The following CRTAC1 variants were observed in gnomAD, a reference collection of about 807,000 sequenced individuals.
The protein encoded by CRTAC1 is acidic secreted protein in cartilage.
CRTAC1 carries 37 observed loss-of-function variants against 67.8 expected under a neutral mutation model. The ratio of observed to expected loss-of-function variants is 0.55; its 90% confidence interval spans 0.42 to 0.72. The LOEUF (loss-of-function observed/expected upper bound fraction) is 0.72, where lower values mean the gene tolerates loss of function less well. Ranked by LOEUF, CRTAC1 falls within the 30% of genes least tolerant of loss-of-function variation. CRTAC1 has a pLI of 0.00. For synonymous variants in CRTAC1, 348 were observed against 371.0 expected (o/e 0.94, Z 0.71); for missense variants, 780 against 931.6 (o/e 0.84, Z 2.12).
chr10:97,874,321 G>A (rs2050123027), intron 14 of CRTAC1, among the ~76,000 whole-genome samples: 2 of 152,340 alleles, frequency 1.3e-5, no homozygotes, highest in East Asian at 3.9e-4. Flanking sequence ...AGCTCCTGGT[G>A]ACCTCTGCTC....
At chr10:97,991,452 T>G (rs1275650129) in intron 2 of CRTAC1, among the ~76,000 whole-genome samples, 1 of 119,512 alleles carries the variant, frequency 8.4e-6, no homozygotes, top group East Asian at 2.1e-4. Flanking sequence ...ATAAATAAGA[T>G]AAAAAGAAAA....
chr10:98,018,083 T>G (rs901485400), intron 1 of CRTAC1, among the ~76,000 whole-genome samples: 3 of 150,962 alleles, frequency 2.0e-5, no homozygotes, highest in African/African-American at 7.3e-5. Context: ...CCGCCTGTAA[T>G]CCCAGCTACT....
In CRTAC1 at chr10:97,896,890, TC is replaced by T; in HGVS notation, c.1216+18del. ...TGCTAAGGGGGCAGTGCAGGCCAGATCCCCCAGGTGCCCCTCACCTGTGCCC... is the reference window on the plus strand; with the variant it reads ...TGCTAAGGGGGCAGTGCAGGCCAGATCCCCAGGTGCCCCTCACCTGTGCCC... On this transcript the variant is annotated intron_variant, in intron 9 of 14. Coordinates refer to ENST00000370597, the MANE Select transcript of CRTAC1 (RefSeq NM_018058.7). 3 of 1,351,870 alleles carry T rather than the reference TC, an allele frequency of 2.2e-6. No homozygotes were observed. Among genetic ancestry groups the T allele is most frequent in the Admixed American group, 2.2e-5 (1 of 45,362 alleles). The allele number at this position is 1,351,870 out of a possible 1,614,324, so 83.7% of individuals were successfully genotyped here.
At chr10:97,906,769 G>A (rs1296407477) in intron 6 of CRTAC1, among the ~76,000 whole-genome samples, 1 of 152,202 alleles carries the variant, frequency 6.6e-6, no homozygotes, top group Non-Finnish European at 1.5e-5. Context: ...AGCTGGGGGT[G>A]GGTGTGCATT....
intron 2 of CRTAC1, among the ~76,000 whole-genome samples, chr10:97,952,285 G>A (rs999159686): frequency 8.6e-5 from 13 of 151,928 alleles, no homozygotes; most frequent in Non-Finnish European, 1.9e-4. Context: ...CCAGGAGGCG[G>A]AGCTTGCAGT....
chr10:97,889,453 T>TGGGC (rs1554913300), intron 11 of CRTAC1, among the ~76,000 whole-genome samples: 7 of 95,068 alleles, frequency 7.4e-5, no homozygotes, highest in Middle Eastern at 4.7e-3. Context: ...TGGAACTTGG[T>TGGGC]GGGGGGGGGT....
chr10:97,919,805 G>A (rs1455738340), intron 4 of CRTAC1, among the ~76,000 whole-genome samples: 6 of 136,738 alleles, frequency 4.4e-5, no homozygotes, highest in African/African-American at 1.4e-4. Flanking sequence ...GTCTCCCTCT[G>A]TCACTCAGGC....
At chr10:97,874,329 C>T (rs2050123094) in intron 14 of CRTAC1, among the ~76,000 whole-genome samples, 7 of 152,238 alleles carry the variant, frequency 4.6e-5, no homozygotes, top group Admixed American at 4.6e-4. Flanking sequence ...GTGACCTCTG[C>T]TCTGTATGGC....
intron 1 of CRTAC1, among the ~76,000 whole-genome samples, chr10:98,021,240 C>G (rs1436832559): frequency 1.3e-5 from 2 of 152,168 alleles, no homozygotes; most frequent in Admixed American, 6.5e-5. Context: ...CCCTACCCCC[C>G]AGAAGGTGGC....
intron 5 of CRTAC1, among the ~76,000 whole-genome samples, chr10:97,913,627 A>G (rs909236255): frequency 6.6e-6 from 1 of 152,228 alleles, no homozygotes; most frequent in Non-Finnish European, 1.5e-5. Context: ...CATCAAATGC[A>G]TCTGACACCC....
At chr10:97,910,362 G>A (rs2050673390) in intron 5 of CRTAC1, among the ~76,000 whole-genome samples, 1 of 152,218 alleles carries the variant, frequency 6.6e-6, no homozygotes, top group African/African-American at 2.4e-5. Flanking sequence ...AGCCAGGTCT[G>A]AGAAGCAGTT....
intron 4 of CRTAC1, among the ~76,000 whole-genome samples, chr10:97,918,177 G>A (rs2050786518): frequency 6.6e-6 from 1 of 152,154 alleles, no homozygotes; most frequent in African/African-American, 2.4e-5. Flanking sequence ...GGTAGCACGA[G>A]AGGCACAGAT....
In CRTAC1 at chr10:97,948,534, A is replaced by T. The variant is rs187212567; in HGVS notation, c.225-12168T>A. ...ACTGTGCATGTTTGTGAGCAAGAGG[A>T]AAAGACCTAGGAGAGGCAGTGGATG... On this transcript the variant is annotated intron_variant, in intron 2 of 14. Transcript: ENST00000370597. Among the ~76,000 whole-genome samples the T allele has an allele frequency of 3.4e-3, 522 of 152,268 alleles. 2 individuals carry two copies. The highest frequency in any genetic ancestry group is 5.7e-3 in the Non-Finnish European group (389 of 68,032).
chr10:98,018,446 C>G (rs1454671567), intron 1 of CRTAC1, among the ~76,000 whole-genome samples: 1 of 152,126 alleles, frequency 6.6e-6, no homozygotes, highest in Non-Finnish European at 1.5e-5. Flanking sequence ...CGGCAGCCAA[C>G]TTGCACGTTC....
chr10:97,978,697 C>T (rs1008019828), intron 2 of CRTAC1, among the ~76,000 whole-genome samples: 9 of 152,198 alleles, frequency 5.9e-5, no homozygotes, highest in Admixed American at 5.2e-4. Flanking sequence ...CAAGTCTCAG[C>T]TCTAATGTCC....
Position 97,950,287 on chromosome 10 carries a change from AG to A in CRTAC1, c.225-13922del, listed in dbSNP as rs1435153950. 4.7e-5 allele frequency among the ~76,000 whole-genome samples: 7 copies of A among 149,192 alleles called. No homozygotes were observed. The South Asian group carries it at 6.3e-4, about 13-fold the overall frequency. On this transcript the variant is annotated intron_variant, in intron 2 of 14. Coordinates refer to ENST00000370597, the MANE Select transcript of CRTAC1 (RefSeq NM_018058.7). ...GAGAGAGAGAGAGAGAGAGAGAGAG[AG>A]AGTATGGCTATTATCTGTAGCAGAG...
At chr10:97,900,588 T>C in intron 8 of CRTAC1, among the ~76,000 whole-genome samples, 1 of 130,544 alleles carries the variant, frequency 7.7e-6, no homozygotes, top group South Asian at 2.7e-4. Flanking sequence ...CCCCTTTTCC[T>C]GGTAGTGATT....
At chr10:98,003,977 CAGGCACT>C (rs1842739481) in intron 2 of CRTAC1, among the ~76,000 whole-genome samples, 1 of 152,216 alleles carries the variant, frequency 6.6e-6, no homozygotes. Context: ...GCAAACCTGC[CAGGCACT>C]GCTAGGTAAC....
rs117961104 is a variant in CRTAC1 at position 97,905,527 on chromosome 10, T to C, written c.851-713A>G. On this transcript the variant is annotated intron_variant, in intron 6 of 14. Coordinates refer to ENST00000370597, the MANE Select transcript of CRTAC1 (RefSeq NM_018058.7). ...CCTCTTAGTCTTCTCCTCCAACATG[T>C]TGATCACAATGTGCGGTTACGTTCC... 3.5e-3 allele frequency among the ~76,000 whole-genome samples: 533 copies of C among 152,328 alleles called. 3 individuals are homozygous for C. Among genetic ancestry groups the C allele is most frequent in the Middle Eastern group, 0.014 (4 of 294 alleles).
Sources: allele counts gnomAD v4.1 joint callset (sites outside exome capture counted in the v4.1 genomes callset), GRCh38; gene constraint gnomAD v4.1.1; transcripts MANE v1.5; gene names NCBI Gene and HGNC (gene_info 2026-07-23, HGNC 2026-07-21).